The following MTUS2 variants were observed in gnomAD, a reference collection of about 807,000 sequenced individuals.
The protein encoded by MTUS2 is microtubule associated scaffold protein 2.
MTUS2 carries 40 observed loss-of-function variants against 114.1 expected under a neutral mutation model. The ratio of observed to expected loss-of-function variants is 0.35; its 90% CI spans 0.27 to 0.46. The LOEUF (loss-of-function observed/expected upper bound fraction) is 0.46, where lower values mean the gene tolerates loss of function less well. Ranked by LOEUF, MTUS2 falls within the 20% of genes least tolerant of loss-of-function variation. The pLI, the probability that MTUS2 is intolerant of heterozygous loss-of-function variation, is 1.00. For missense variants in MTUS2, 1,679 were observed against 1,705.4 expected (o/e 0.98, Z 0.27); for synonymous variants, 688 against 672.0 (o/e 1.02, Z -0.37).
intron 5 of MTUS2, among the ~76,000 whole-genome samples, chr13:29,240,521 C>T (rs1896693491): frequency 6.6e-6 from 1 of 152,210 alleles, no homozygotes; most frequent in Non-Finnish European, 1.5e-5. Flanking sequence ...CCCACTTTTG[C>T]TATTTCAATT....
chr13:29,090,780 A>G (rs1296605439), intron 4 of MTUS2, among the ~76,000 whole-genome samples: 1 of 152,212 alleles, frequency 6.6e-6, no homozygotes, highest in Non-Finnish European at 1.5e-5. Flanking sequence ...AGCCACTTAG[A>G]GGATTCTAAC....
intron 2 of MTUS2, among the ~76,000 whole-genome samples, chr13:28,960,545 A>G (rs887611480): frequency 2.6e-5 from 4 of 152,260 alleles, no homozygotes; most frequent in African/African-American, 7.2e-5. Flanking sequence ...ATTCATTCAT[A>G]CTATAACATG....
intron 7 of MTUS2, among the ~76,000 whole-genome samples, chr13:29,352,755 G>A (rs1184173829): frequency 1.3e-5 from 2 of 152,148 alleles, no homozygotes; most frequent in Non-Finnish European, 2.9e-5. Flanking sequence ...GCATTAGTTG[G>A]TGGACATTTT....
chr13:29,055,181 C>T (rs1888076417), intron 4 of MTUS2, among the ~76,000 whole-genome samples: 1 of 152,000 alleles, frequency 6.6e-6, no homozygotes, highest in African/African-American at 2.4e-5. Context: ...TTCAGTAATA[C>T]CAATTTTTGC....
At chr13:29,269,849 G>T (rs568746837) in intron 5 of MTUS2, among the ~76,000 whole-genome samples, 1 of 152,138 alleles carries the variant, frequency 6.6e-6, no homozygotes, top group African/African-American at 2.4e-5. Flanking sequence ...TGGTATCTAC[G>T]TAAAGCAGAA....
At chr13:29,316,236 C>T (rs908800206) in intron 6 of MTUS2, among the ~76,000 whole-genome samples, 1 of 152,148 alleles carries the variant, frequency 6.6e-6, no homozygotes, top group Non-Finnish European at 1.5e-5. Context: ...CTGACCAGGA[C>T]ATAGTTGGAT....
chr13:29,086,140 C>T (rs968336539), intron 4 of MTUS2, among the ~76,000 whole-genome samples: 3 of 151,994 alleles, frequency 2.0e-5, no homozygotes, highest in Non-Finnish European at 2.9e-5. Context: ...TTGTTTCTTG[C>T]TTGTTGATTT....
intron 2 of MTUS2, among the ~76,000 whole-genome samples, chr13:28,975,954 G>A (rs1884076006): frequency 6.6e-6 from 1 of 152,166 alleles, no homozygotes; most frequent in South Asian, 2.1e-4. Flanking sequence ...GACTGAGGTG[G>A]GCACAGGCAG....
At chr13:29,444,123 T>G (rs1459542287) in intron 9 of MTUS2, among the ~76,000 whole-genome samples, 2 of 152,106 alleles carry the variant, frequency 1.3e-5, no homozygotes, top group East Asian at 3.8e-4. Context: ...ATAAATGCAA[T>G]CCAAAGCTTT....
intron 2 of MTUS2, among the ~76,000 whole-genome samples, chr13:28,867,222 C>T (rs1193790507): frequency 6.6e-6 from 1 of 152,198 alleles, no homozygotes; most frequent in South Asian, 2.1e-4. Flanking sequence ...TAAGCAAATA[C>T]TTCTATCATT....
At chr13:28,824,522 C>T (rs545346411) in intron 1 of MTUS2, among the ~76,000 whole-genome samples, 1 of 152,300 alleles carries the variant, frequency 6.6e-6, no homozygotes, top group South Asian at 2.1e-4. Context: ...CTCATTTCTC[C>T]TCCCTACTTC....
intron 15 of MTUS2, among the ~76,000 whole-genome samples, chr13:29,502,783 G>GT (rs1882993686): frequency 1.3e-5 from 2 of 152,174 alleles, no homozygotes; most frequent in Admixed American, 1.3e-4. Context: ...GGGATGATGG[G>GT]TATTGGCCAG....
chr13:29,403,157 G>C (rs1344504009), intron 8 of MTUS2, among the ~76,000 whole-genome samples: 1 of 152,178 alleles, frequency 6.6e-6, no homozygotes, highest in Non-Finnish European at 1.5e-5. Context: ...TTCAAATTAA[G>C]TATAGTATCT....
Position 29,178,501 on chromosome 13 carries a change from C to G in MTUS2, c.2644+77531C>G, listed in dbSNP as rs149206641. Among the ~76,000 whole-genome samples the G allele has an allele frequency of 1.5e-3, 226 of 152,140 alleles. 1 individual carries two copies. Among genetic ancestry groups the G allele is most frequent in the African/African-American group, 5.2e-3 (216 of 41,516 alleles). On this transcript the variant is annotated intron_variant, in intron 5 of 15. Transcript: ENST00000612955. The stretch of plus-strand genomic sequence containing the variant: ...TACTGGAGTTTTGGGCAAGATAATT[C>G]TTCGCTGTTGGGGGCTGTCCTGTGA...
At chr13:28,874,050 G>A (rs566097574) in intron 2 of MTUS2, among the ~76,000 whole-genome samples, 75 of 152,066 alleles carry the variant, frequency 4.9e-4, no homozygotes, top group African/African-American at 1.4e-3. Context: ...ATGGAGTCTC[G>A]CTCTGTCGCC....
chr13:29,073,857 C>G (rs1889058886), intron 4 of MTUS2, among the ~76,000 whole-genome samples: 2 of 28,320 alleles, frequency 7.1e-5, no homozygotes, highest in African/African-American at 2.7e-4. Flanking sequence ...TACAGTGGTT[C>G]CCTTGGAGAT....
intron 4 of MTUS2, among the ~76,000 whole-genome samples, chr13:29,053,288 A>G (rs1240896886): frequency 6.6e-6 from 1 of 152,196 alleles, no homozygotes; most frequent in African/African-American, 2.4e-5. Flanking sequence ...GATGAGGCTC[A>G]GGGTGACTAA....
At chr13:29,186,454 A>G (rs1323114662) in intron 5 of MTUS2, among the ~76,000 whole-genome samples, 4 of 152,238 alleles carry the variant, frequency 2.6e-5, no homozygotes, top group Non-Finnish European at 5.9e-5. Context: ...AAAAATGTAA[A>G]CAGGATCCAA....
chr13:28,989,048 A>G (rs959055703), intron 2 of MTUS2, among the ~76,000 whole-genome samples: 7 of 152,256 alleles, frequency 4.6e-5, no homozygotes, highest in African/African-American at 1.4e-4. Context: ...CTTCTAATCA[A>G]GAGATGCAAA....
Sources: allele counts gnomAD v4.1 joint callset (sites outside exome capture counted in the v4.1 genomes callset), GRCh38; gene constraint gnomAD v4.1.1; transcripts MANE v1.5; gene names NCBI Gene and HGNC (gene_info 2026-07-23, HGNC 2026-07-21).